The following FGGY variants were observed in gnomAD, a reference collection of about 807,000 sequenced individuals.
The protein encoded by FGGY is FGGY carbohydrate kinase domain-containing protein.
Under a neutral mutation model 71.3 loss-of-function variants are expected in FGGY, and 72 were observed. The observed-to-expected ratio is 1.01, with a 90% confidence interval of 0.84 to 1.23. The LOEUF is 1.23. Among genes scored for constraint, FGGY ranks in the 50% most tolerant of loss-of-function variants. The probability of loss-of-function intolerance (pLI) is 0.00; values close to 1 mark genes in which losing one functional copy is unlikely to be tolerated. For missense variants in FGGY, 668 were observed against 682.3 expected (o/e 0.98, Z 0.23); for synonymous variants, 251 against 250.3 (o/e 1.00, Z -0.02).
At chr1:59,655,506 T>A (rs551892789) in intron 11 of FGGY, among the ~76,000 whole-genome samples, 2 of 147,924 alleles carry the variant, frequency 1.4e-5, no homozygotes, top group South Asian at 4.7e-4. Flanking sequence ...CAACTCCCAC[T>A]TATGAGTGAG....
At chr1:59,499,487 T>C (rs771388177) in intron 6 of FGGY, among the ~76,000 whole-genome samples, 1 of 152,108 alleles carries the variant, frequency 6.6e-6, no homozygotes, top group Non-Finnish European at 1.5e-5. Context: ...AATTGTTTAT[T>C]TCTGGAATTT....
chr1:59,522,742 C>T (rs576959088), intron 7 of FGGY, among the ~76,000 whole-genome samples: 17 of 152,134 alleles, frequency 1.1e-4, no homozygotes, highest in African/African-American at 2.9e-4. Flanking sequence ...AACTGACCTT[C>T]GAGGAGGTGA....
chr1:59,515,529 T>G (rs1161981689), intron 7 of FGGY, among the ~76,000 whole-genome samples: 2 of 152,174 alleles, frequency 1.3e-5, no homozygotes, highest in African/African-American at 2.4e-5. Flanking sequence ...GGAATGATAA[T>G]GATTTGGCTG....
At chr1:59,495,966 G>C (rs1024380256) in intron 6 of FGGY, among the ~76,000 whole-genome samples, 14 of 152,260 alleles carry the variant, frequency 9.2e-5, no homozygotes, top group Non-Finnish European at 1.6e-4. Context: ...GTCTATTCGG[G>C]CTCTTTTTTG....
chr1:59,718,849 C>T (rs1264419475), intron 14 of FGGY, among the ~76,000 whole-genome samples: 1 of 152,230 alleles, frequency 6.6e-6, no homozygotes, highest in East Asian at 1.9e-4. Context: ...TACTTTCCCC[C>T]AGACTCTCAG....
At chr1:59,658,907 G>A (rs2097248498) in intron 11 of FGGY, among the ~76,000 whole-genome samples, 1 of 152,162 alleles carries the variant, frequency 6.6e-6, no homozygotes, top group African/African-American at 2.4e-5. Context: ...CTTAAATATG[G>A]GAAGACAGGG....
intron 4 of FGGY, among the ~76,000 whole-genome samples, chr1:59,357,681 A>G (rs542831804): frequency 3.3e-5 from 5 of 152,314 alleles, no homozygotes; most frequent in Admixed American, 3.3e-4. Context: ...GCAGGGACCA[A>G]ATCTATCTTT....
At chr1:59,688,751 ATTT>A (rs11286707) in intron 14 of FGGY, among the ~76,000 whole-genome samples, 91 of 137,200 alleles carry the variant, frequency 6.6e-4, no homozygotes, top group African/African-American at 2.2e-3. Flanking sequence ...GTTTTTTAGA[ATTT>A]TTTTTTTTTT....
At chr1:59,624,785 G>C (rs984647099) in intron 9 of FGGY, among the ~76,000 whole-genome samples, 2 of 152,148 alleles carry the variant, frequency 1.3e-5, no homozygotes, top group Non-Finnish European at 2.9e-5. Flanking sequence ...CCATGATTCA[G>C]TTGTTTCCCA....
intron 4 of FGGY, among the ~76,000 whole-genome samples, chr1:59,348,656 A>T (rs1294869662): frequency 1.3e-5 from 2 of 152,112 alleles, no homozygotes; most frequent in Non-Finnish European, 2.9e-5. Context: ...GTAAATGGAG[A>T]TGGGGAGAGC....
At chr1:59,592,385 C>A (rs574539236) in intron 8 of FGGY, among the ~76,000 whole-genome samples, 4,505 of 151,730 alleles carry the variant, frequency 0.03, 77 homozygotes, top group Middle Eastern at 0.073. Flanking sequence ...GGCAATTCCT[C>A]AGGGATCTAG....
intron 3 of FGGY, among the ~76,000 whole-genome samples, chr1:59,340,369 C>G (rs936025397): frequency 3.9e-4 from 60 of 152,194 alleles, no homozygotes; most frequent in African/African-American, 1.3e-3. Flanking sequence ...TTGAAACACA[C>G]AGGTGGTTTT....
chr1:59,473,071 G>A (rs542611656), intron 6 of FGGY, among the ~76,000 whole-genome samples: 2 of 152,192 alleles, frequency 1.3e-5, no homozygotes, highest in Non-Finnish European at 2.9e-5. Context: ...GCCCGAGCCA[G>A]CAGTGGCAAC....
At chr1:59,473,262 T>G (rs1164431262) in intron 6 of FGGY, among the ~76,000 whole-genome samples, 1 of 150,122 alleles carries the variant, frequency 6.7e-6, no homozygotes, top group African/African-American at 2.5e-5. Context: ...AACGAACAAC[T>G]CCAGACGCGC....
intron 5 of FGGY, among the ~76,000 whole-genome samples, chr1:59,406,204 TCACAGTCA>T (rs2062719372): frequency 2.6e-5 from 4 of 151,206 alleles, no homozygotes; most frequent in Admixed American, 6.6e-5. Flanking sequence ...TGTGGCACTT[TCACAGTCA>T]TTCGCAGAAA....
intron 14 of FGGY, chr1:59,698,608 C>T (rs772453942): frequency 4.9e-5 from 10 of 204,754 alleles, no homozygotes; most frequent in Non-Finnish European, 6.9e-5. Flanking sequence ...TGAAGTTGGG[C>T]GTCTCTCTTT....
intron 2 of FGGY, among the ~76,000 whole-genome samples, chr1:59,329,278 C>T (rs2048002653): frequency 1.3e-5 from 2 of 151,986 alleles, no homozygotes; most frequent in African/African-American, 4.8e-5. Context: ...TTGTGCTGTA[C>T]CGTAGTCTAT....
At chr1:59,539,542 T>C (rs184585004) in intron 7 of FGGY, among the ~76,000 whole-genome samples, 6 of 152,324 alleles carry the variant, frequency 3.9e-5, no homozygotes, top group Admixed American at 3.3e-4. Flanking sequence ...ACCCTGCCGA[T>C]TGGTTATCAC....
chr1:59,496,979 A>C (rs947006948), intron 6 of FGGY, among the ~76,000 whole-genome samples: 1 of 152,214 alleles, frequency 6.6e-6, no homozygotes, highest in Non-Finnish European at 1.5e-5. Context: ...CATGACAATT[A>C]TATGTTAGGT....
Sources: allele counts gnomAD v4.1 joint callset (sites outside exome capture counted in the v4.1 genomes callset), GRCh38; gene constraint gnomAD v4.1.1; transcripts MANE v1.5; gene names NCBI Gene and HGNC (gene_info 2026-07-23, HGNC 2026-07-21).